UXS1: variants seen among roughly 807,000 people sequenced by gnomAD.
The protein encoded by UXS1 is UDP-glucuronate decarboxylase 1.
A neutral mutation model predicts 62.6 loss-of-function variants in UXS1; 33 were observed. The observed-to-expected ratio is 0.53, with a 90% CI of 0.40 to 0.70. UXS1 has a LOEUF of 0.70. UXS1 is among the 30% of genes least tolerant of loss of function. The pLI is 0.00. For missense variants in UXS1, 434 were observed against 556.3 expected (o/e 0.78, Z 2.21); for synonymous variants, 213 against 206.8 (o/e 1.03, Z -0.26).
intron 11 of UXS1, among the ~76,000 whole-genome samples, chr2:106,104,472 T>C (rs908478357): frequency 6.6e-6 from 1 of 152,230 alleles, no homozygotes; most frequent in Non-Finnish European, 1.5e-5. Flanking sequence ...GTCTGCTGGA[T>C]GCAAAAGGCC....
intron 9 of UXS1, among the ~76,000 whole-genome samples, chr2:106,120,845 G>GT (rs1174307977): frequency 6.6e-6 from 1 of 152,212 alleles, no homozygotes; most frequent in Non-Finnish European, 1.5e-5. Flanking sequence ...CATAGAAGGC[G>GT]TATCATGCCA....
chr2:106,171,878 G>A (rs1407255771), intron 1 of UXS1, among the ~76,000 whole-genome samples: 2 of 152,190 alleles, frequency 1.3e-5, no homozygotes, highest in African/African-American at 4.8e-5. Flanking sequence ...CCTACCCTAC[G>A]TTATCTATGT....
chr2:106,162,990 TTTTC>T (rs1286947355), intron 4 of UXS1, among the ~76,000 whole-genome samples: 2 of 152,174 alleles, frequency 1.3e-5, no homozygotes, highest in Admixed American at 6.5e-5. Context: ...ATGCTGTCAT[TTTTC>T]TTTCTAAAAT....
intron 8 of UXS1, among the ~76,000 whole-genome samples, chr2:106,124,084 T>C (rs1679738363): frequency 6.6e-6 from 1 of 152,202 alleles, no homozygotes; most frequent in South Asian, 2.1e-4. Context: ...TGGTTTAAAA[T>C]TCCCTTTCAA....
intron 10 of UXS1, among the ~76,000 whole-genome samples, 193 bp downstream of exon 10, chr2:106,112,453 T>C (rs930499789): frequency 6.6e-6 from 1 of 152,200 alleles, no homozygotes; most frequent in African/African-American, 2.4e-5. Flanking sequence ...GCAAGGTGAC[T>C]CTAGTTTCGT....
intron 9 of UXS1, among the ~76,000 whole-genome samples, chr2:106,115,565 G>A (rs1050295391): frequency 1.3e-5 from 2 of 152,190 alleles, no homozygotes; most frequent in African/African-American, 4.8e-5. Flanking sequence ...ACTCCTACAA[G>A]CCTGAGCTGC....
intron 1 of UXS1, among the ~76,000 whole-genome samples, chr2:106,168,279 G>A (rs1030913683): frequency 2.1e-4 from 32 of 152,082 alleles, no homozygotes; most frequent in African/African-American, 7.2e-4. Context: ...GGCCGTCCTC[G>A]CTGCTACACT....
intron 1 of UXS1, among the ~76,000 whole-genome samples, chr2:106,186,458 A>ACACACACACG (rs34236847): frequency 2.7e-4 from 26 of 95,186 alleles, no homozygotes; most frequent in Non-Finnish European, 5.2e-4. Context: ...ATATATATAT[A>ACACACACACG]CACACACACA....
chr2:106,184,391 A>G (rs1684432871), intron 1 of UXS1, among the ~76,000 whole-genome samples: 1 of 152,204 alleles, frequency 6.6e-6, no homozygotes. Context: ...CAACATATCT[A>G]TTTGTGAAAG....
In UXS1 at chr2:106,094,114, C is replaced by T. The variant is rs745518393; in HGVS notation, c.1190G>A (p.Arg397His). ...EGLNKAIHYF[R>H]KELEYQANNQ... ...ATTTGCCTGGTACTCGAGTTCTTTACGGAAGTAGTGAATTGCTTTGTTTAA... is the reference window on the plus strand; with the variant it reads ...ATTTGCCTGGTACTCGAGTTCTTTATGGAAGTAGTGAATTGCTTTGTTTAA... The change falls in exon 15 of 15, where the codon CGT (arginine) becomes CAT (histidine). Residue 397 changes from arginine to histidine, a missense_variant. Arg to His is a conservative substitution (Grantham distance 29). Around this residue, in one of 3 missense-constraint regions of UXS1, gnomAD observed 209 missense variants for 233.3 expected, o/e 0.90. Coordinates refer to ENST00000283148, the MANE Select transcript of UXS1 (RefSeq NM_001253875.2). 6.2e-6 allele frequency: 10 copies of T among 1,612,118 alleles called. No individual in the cohort carries two copies. Among genetic ancestry groups the T allele is most frequent in the Admixed American group, 1.7e-5 (1 of 59,788 alleles).
At chr2:106,119,499 C>T (rs1209458148) in intron 9 of UXS1, among the ~76,000 whole-genome samples, 2 of 152,172 alleles carry the variant, frequency 1.3e-5, no homozygotes, top group South Asian at 2.1e-4. Context: ...AGGCTGAGCA[C>T]GCAGCAGGCA....
chr2:106,143,579 C>T (rs147680371), intron 6 of UXS1, among the ~76,000 whole-genome samples: 80 of 152,144 alleles, frequency 5.3e-4, no homozygotes, highest in African/African-American at 1.9e-3. Context: ...TCTACAGGAC[C>T]GGGCACAGTA....
chr2:106,193,592 G>A (rs544097911), intron 1 of UXS1, among the ~76,000 whole-genome samples: 2 of 152,250 alleles, frequency 1.3e-5, no homozygotes, highest in African/African-American at 2.4e-5. Flanking sequence ...GGATGCCGGT[G>A]CGCCCCGACA....
At position 106,112,664 on chromosome 2, in the gene UXS1, G is replaced by C; in HGVS notation, c.861C>G (p.Leu287=). Residue 287 remains leucine (L), a synonymous_variant, in exon 10 of 15, where the codon CTC becomes CTG. Transcript: ENST00000283148. The part of the protein sequence containing the change: ...RVVSNFILQA[L]QGEPLTVYGS... The stretch of plus-strand genomic sequence containing the variant: ...CACCTACCGTGAGTGGCTCCCCCTG[G>C]AGCGCCTGCAGGATGAAGTTGCTGA... 1 of 1,613,988 alleles carries C rather than the reference G, an allele frequency of 6.2e-7. No homozygotes were observed. Among genetic ancestry groups the C allele is most frequent in the Non-Finnish European group, 8.5e-7 (1 of 1,179,882 alleles).
rs149234421 is a variant in UXS1, at chr2:106,152,756, A to C, written c.291+5302T>G. On this transcript the variant is annotated intron_variant, in intron 5 of 14. Transcript: ENST00000283148. ...CCCACTCAAAAGATATGGTATCTCA[A>C]CAGGAAGGGCCACTTAGCAGTACTT... Among the ~76,000 whole-genome samples, 875 of 152,276 alleles carry C rather than the reference A, an allele frequency of 5.7e-3. 4 individuals carry two copies. Among genetic ancestry groups the C allele is most frequent in the African/African-American group, 0.017 (710 of 41,556 alleles).
intron 9 of UXS1, among the ~76,000 whole-genome samples, chr2:106,115,800 CATT>C (rs754404597): frequency 3.9e-5 from 6 of 152,356 alleles, no homozygotes; most frequent in Admixed American, 1.3e-4. Context: ...AAACTGCCAT[CATT>C]ATTATCTACC....
chr2:106,102,040 T>C (rs1360614373), intron 11 of UXS1: 2 of 152,218 alleles, frequency 1.3e-5, no homozygotes, highest in Admixed American at 1.3e-4. Flanking sequence ...AAACCGCAGA[T>C]AGGTTTTGCT....
At chr2:106,094,551 C>T (rs1219989306) in intron 14 of UXS1, among the ~76,000 whole-genome samples, 1 of 152,172 alleles carries the variant, frequency 6.6e-6, no homozygotes, top group Non-Finnish European at 1.5e-5. Flanking sequence ...CTTGGAGTGG[C>T]GGGAAGATGC....
intron 5 of UXS1, among the ~76,000 whole-genome samples, chr2:106,146,060 C>A (rs536087396): frequency 1.3e-4 from 20 of 152,262 alleles, no homozygotes; most frequent in Admixed American, 9.2e-4. Context: ...AAACCTAGAC[C>A]CCTGCAAAGG....
Sources: allele counts gnomAD v4.1 joint callset (sites outside exome capture counted in the v4.1 genomes callset), GRCh38; gene constraint gnomAD v4.1.1; regional missense constraint gnomAD v4.1.1; transcripts MANE v1.5; gene names NCBI Gene and HGNC (gene_info 2026-07-23, HGNC 2026-07-21).